Variants in PPARD observed in about 807,000 individuals in gnomAD.
The protein encoded by PPARD is peroxisome proliferator activated receptor delta.
Under a neutral mutation model 39.5 loss-of-function variants are expected in PPARD, and 6 were observed. That is an observed-to-expected ratio of 0.15 (90% CI 0.08 to 0.30). PPARD has a LOEUF of 0.30. Ranked by LOEUF, PPARD falls within the 10% of genes least tolerant of loss-of-function variation. The probability of loss-of-function intolerance (pLI) is 1.00; values close to 1 mark genes in which losing one functional copy is unlikely to be tolerated. For missense variants in PPARD, 397 were observed against 596.8 expected (o/e 0.67, Z 3.49); for synonymous variants, 210 against 231.3 (o/e 0.91, Z 0.83).
rs540703715 is a variant in PPARD at position 35,425,744 on chromosome 6, G to A, written c.1079-88G>A. 1.1e-3 allele frequency: 1,639 copies of A among 1,553,074 alleles called. 24 individuals carry two copies. In the South Asian group the frequency reaches 0.011, roughly 11 times the overall value. ...TCTGTCACGGCCAAGGAGGCCTGCC[G>A]TCCCCTGGGCCAAGTCACCTCTTGG... is the stretch of plus-strand genomic sequence containing the variant. On this transcript the variant is annotated intron_variant, in intron 7 of 7. Coordinates refer to ENST00000360694, the MANE Select transcript of PPARD (RefSeq NM_006238.5). The surrounding 1 kb of genome is among the most constrained non-coding windows in gnomAD (Gnocchi z 4.5).
chr6:35,359,265 C>T (rs1470690929), intron 2 of PPARD, among the ~76,000 whole-genome samples: 3 of 152,120 alleles, frequency 2.0e-5, no homozygotes, highest in East Asian at 1.9e-4. Flanking sequence ...GCATTTTGCC[C>T]CTTCTTTCTC....
rs1766504531 is a variant in PPARD, at chr6:35,425,388, C to T, written c.1079-444C>T. Reference sequence around the variant, plus strand: ...TCCAACACAATAAATACAATAATAACTATGCTAACTAACAGTGGTCTAGAG... The same window carrying T: ...TCCAACACAATAAATACAATAATAATTATGCTAACTAACAGTGGTCTAGAG... On this transcript the variant is annotated intron_variant, in intron 7 of 7. Coordinates refer to ENST00000360694, the MANE Select transcript of PPARD (RefSeq NM_006238.5). The surrounding 1 kb of genome is among the most constrained non-coding windows in gnomAD (Gnocchi z 4.5). 9.7e-7 allele frequency: 1 copy of T among 1,028,902 alleles called. No homozygotes were observed. The highest frequency in any genetic ancestry group is 1.2e-6 in the Non-Finnish European group (1 of 857,238). The allele number at this position is 1,028,902 out of a possible 1,614,324, so 63.7% of individuals were successfully genotyped here.
At position 35,425,445 on chromosome 6, in the gene PPARD, C is replaced by T. The variant is rs1160191696; in HGVS notation, c.1079-387C>T. The T allele has an allele frequency of 3.0e-5, 32 of 1,063,090 alleles. No homozygotes were observed. Among genetic ancestry groups the T allele is most frequent in the East Asian group, 6.8e-5 (1 of 14,796 alleles). 65.9% of individuals were successfully genotyped at this position (1,063,090 alleles called of 1,614,324 possible). Reference sequence around the variant, plus strand: ...TCATGCCAGGCACTGTTCTTTTCATCGATGATGACTCACTTGATCCTCACA... The same window carrying T: ...TCATGCCAGGCACTGTTCTTTTCATTGATGATGACTCACTTGATCCTCACA... On this transcript the variant is annotated intron_variant, in intron 7 of 7. Coordinates refer to ENST00000360694, the MANE Select transcript of PPARD (RefSeq NM_006238.5). This position sits in a 1 kb window ranked among gnomAD's most constrained non-coding sequence, Gnocchi z 4.5.
intron 2 of PPARD, among the ~76,000 whole-genome samples, chr6:35,386,315 ATTTTTTTT>A (rs751089075): frequency 1.7e-5 from 2 of 120,416 alleles, no homozygotes; most frequent in Middle Eastern, 4.7e-3. Context: ...CACCTCTACA[ATTTTTTTT>A]TTTTTTTTTT....
Position 35,424,607 on chromosome 6 carries a change from G to T in PPARD, c.906G>T (p.Gly302=), listed in dbSNP as rs773200470. The T allele has an allele frequency of 2.5e-6, 4 of 1,614,130 alleles. No individual in the cohort carries two copies. The highest frequency in any genetic ancestry group is 3.4e-6 in the Non-Finnish European group (4 of 1,180,046). ...AMLASIVNKD[G]LLVANGSGFV... ...TGGCCTCTATCGTCAACAAGGACGGGCTGCTGGTAGCCAACGGCAGTGGCT... is the reference window on the plus strand; with the variant it reads ...TGGCCTCTATCGTCAACAAGGACGGTCTGCTGGTAGCCAACGGCAGTGGCT... Residue 302 remains glycine, a synonymous_variant, in exon 7 of 8, where the codon GGG becomes GGT. Transcript: ENST00000360694. This position sits in a 1 kb window ranked among gnomAD's most constrained non-coding sequence, Gnocchi z 7.1.
chr6:35,356,948 T>G (rs1164854614), intron 2 of PPARD, among the ~76,000 whole-genome samples: 1 of 152,202 alleles, frequency 6.6e-6, no homozygotes, highest in African/African-American at 2.4e-5. Context: ...GGTTTACAAT[T>G]AACAGCATAT....
In PPARD at chr6:35,425,929, C is replaced by T. The variant is rs745393008; in HGVS notation, c.1176C>T (p.Ala392=). The T allele has an allele frequency of 1.2e-6, 2 of 1,614,122 alleles. No homozygotes were observed. Among genetic ancestry groups the T allele is most frequent in the Non-Finnish European group, 8.5e-7 (1 of 1,180,008 alleles). The change falls in exon 8 of 8, where the codon GCC becomes GCT. Residue 392 remains alanine, a synonymous_variant. Transcript: ENST00000360694. This position sits in a 1 kb window ranked among gnomAD's most constrained non-coding sequence, Gnocchi z 4.5. ...ACCTGCAGGCCAACCACCCTGATGCCCAGTACCTCTTCCCCAAGCTGCTGC... is the reference window on the plus strand; with the variant it reads ...ACCTGCAGGCCAACCACCCTGATGCTCAGTACCTCTTCCCCAAGCTGCTGC... ...EFHLQANHPD[A]QYLFPKLLQK...
chr6:35,364,477 A>T (rs1353021016), intron 2 of PPARD, among the ~76,000 whole-genome samples: 1 of 135,112 alleles, frequency 7.4e-6, no homozygotes, highest in African/African-American at 2.9e-5. Flanking sequence ...TCTGTTGCCC[A>T]GGCTGGAGTG....
At chr6:35,347,020 C>A in intron 1 of PPARD, 47 bp from the exon 2 acceptor site, 1 of 1,267,524 alleles carries the variant, frequency 7.9e-7, no homozygotes, top group South Asian at 1.3e-5. Context: ...TTTGAGGGCC[C>A]CTGGCACCTG....
chr6:35,344,617 T>C (rs1792059135), intron 1 of PPARD, among the ~76,000 whole-genome samples: 1 of 152,174 alleles, frequency 6.6e-6, no homozygotes, highest in African/African-American at 2.4e-5. Flanking sequence ...CCCACTCTCA[T>C]GTTTAGAAAT....
At chr6:35,373,277 T>C (rs556823338) in intron 2 of PPARD, among the ~76,000 whole-genome samples, 16 of 152,344 alleles carry the variant, frequency 1.1e-4, no homozygotes, top group South Asian at 2.1e-4. Flanking sequence ...CAATGTCTTA[T>C]AGAGTAATCG....
At chr6:35,415,893 C>T (rs1017157205) in intron 3 of PPARD, among the ~76,000 whole-genome samples, 6 of 151,648 alleles carry the variant, frequency 4.0e-5, no homozygotes, top group Non-Finnish European at 7.4e-5. Flanking sequence ...GCTGGAGAGC[C>T]GGGGAAGTTG....
chr6:35,426,148 T>C lies in PPARD; in HGVS notation c.*69T>C, dbSNP rs201645122. 70 of 1,561,260 alleles carry C rather than the reference T, an allele frequency of 4.5e-5. No individual in the cohort carries two copies. The highest frequency in any genetic ancestry group is 5.6e-5 in the Non-Finnish European group (65 of 1,158,538). The stretch of plus-strand genomic sequence containing the variant: ...CTGGAGGGGCCCACCCACATGACTT[T>C]TCCATTGACCAGCCCTTGAGCACCC... On this transcript the variant is annotated 3_prime_UTR_variant, in exon 8 of 8. Coordinates refer to ENST00000360694, the MANE Select transcript of PPARD (RefSeq NM_006238.5).
chr6:35,407,838 C>T (rs930001375), intron 2 of PPARD, among the ~76,000 whole-genome samples: 19 of 150,874 alleles, frequency 1.3e-4, no homozygotes, highest in Admixed American at 4.0e-4. Flanking sequence ...TACAGTCACA[C>T]ACTGCTGTTG....
At chr6:35,381,048 A>C (rs1763125757) in intron 2 of PPARD, among the ~76,000 whole-genome samples, 1 of 149,170 alleles carries the variant, frequency 6.7e-6, no homozygotes, top group Admixed American at 6.7e-5. Flanking sequence ...TCCTCTCTGC[A>C]TTCTCCCCTC....
At chr6:35,389,051 A>G (rs1277632003) in intron 2 of PPARD, among the ~76,000 whole-genome samples, 3 of 152,020 alleles carry the variant, frequency 2.0e-5, no homozygotes, top group Non-Finnish European at 4.4e-5. Flanking sequence ...AGTGACTCAC[A>G]CCTGTAATCC....
chr6:35,347,090 C>A lies in PPARD; in HGVS notation c.-162C>A. On this transcript the variant is annotated 5_prime_UTR_variant, in exon 2 of 8. Coordinates refer to ENST00000360694, the MANE Select transcript of PPARD (RefSeq NM_006238.5). ...AGTGTTGTACAGTGTTTTGGGCATG[C>A]ACGTGATACTCACACAGTGGCTTCT... is the stretch of plus-strand genomic sequence containing the variant. 1 of 1,535,832 alleles carries A rather than the reference C, an allele frequency of 6.5e-7. No homozygotes were observed. The highest frequency in any genetic ancestry group is 1.2e-5 in the South Asian group (1 of 84,050).
At chr6:35,410,532 AG>A (rs1402036730) in intron 2 of PPARD, among the ~76,000 whole-genome samples, 5 of 152,232 alleles carry the variant, frequency 3.3e-5, no homozygotes, top group African/African-American at 1.2e-4. Flanking sequence ...TCACCCCTTC[AG>A]GAACAGTAGC....
rs1212813677 is a variant in PPARD at position 35,394,774 on chromosome 6, GC to G, written c.-101-16205del. Among the ~76,000 whole-genome samples, 396 of 138,294 alleles carry G rather than the reference GC, an allele frequency of 2.9e-3. 1 individual carries two copies. The highest frequency in any genetic ancestry group is 0.01 in the African/African-American group (364 of 36,370). The allele number at this position is 138,294 out of a possible 152,430, so 90.7% of individuals were successfully genotyped here. A position where few individuals can be genotyped will look rare whatever the true frequency, so the allele number is the denominator to read the frequency against. ...TGACAGAGTGAGACCCTGTCTCCCC[GC>G]CCCCCCCACCAAAAAAAAAAAAAAT... On this transcript the variant is annotated intron_variant, in intron 2 of 7. Coordinates refer to ENST00000360694, the MANE Select transcript of PPARD (RefSeq NM_006238.5).
Sources: allele counts gnomAD v4.1 joint callset (sites outside exome capture counted in the v4.1 genomes callset), GRCh38; gene constraint gnomAD v4.1.1; non-coding constraint Gnocchi (gnomAD v3.1); transcripts MANE v1.5; gene names NCBI Gene and HGNC (gene_info 2026-07-23, HGNC 2026-07-21).